Variants in SFSWAP observed in about 807,000 individuals in gnomAD.
SFSWAP encodes splicing factor, suppressor of white-apricot homolog.
In SFSWAP, 17 loss-of-function variants were observed where a neutral mutation model predicts 100.7. That is an observed-to-expected ratio of 0.17 (90% CI 0.12 to 0.25). SFSWAP has a LOEUF of 0.25. Among genes scored for constraint, SFSWAP ranks in the 10% least tolerant of loss-of-function variants. The probability of loss-of-function intolerance (pLI) is 1.00; values close to 1 mark genes in which losing one functional copy is unlikely to be tolerated. For synonymous variants in SFSWAP, 504 were observed against 510.1 expected (o/e 0.99, Z 0.16); for missense variants, 1,005 against 1,262.6 (o/e 0.80, Z 3.09).
intron 13 of SFSWAP, among the ~76,000 whole-genome samples, chr12:131,773,085 C>A (rs1883744154): frequency 6.6e-6 from 1 of 152,138 alleles, no homozygotes; most frequent in Admixed American, 6.5e-5. Context: ...GGGGGCAGAG[C>A]AGGCCAAAAG....
chr12:131,743,388 G>A (rs531766110), intron 7 of SFSWAP, among the ~76,000 whole-genome samples: 4 of 152,166 alleles, frequency 2.6e-5, no homozygotes, highest in East Asian at 1.9e-4. Flanking sequence ...AAATACAACC[G>A]TCCATATGAG....
At chr12:131,728,696 TTC>T (rs1171065633) in intron 7 of SFSWAP, among the ~76,000 whole-genome samples, 1 of 150,960 alleles carries the variant, frequency 6.6e-6, no homozygotes, top group African/African-American at 2.4e-5. Context: ...GCCTCTGCCC[TTC>T]TTTCTTTTTT....
At chr12:131,757,259 C>T (rs1025763338) in intron 11 of SFSWAP, 3 of 152,538 alleles carry the variant, frequency 2.0e-5, no homozygotes, top group Non-Finnish European at 2.9e-5. Context: ...GCGAGAGGAA[C>T]GGGAAGCTCT....
intron 14 of SFSWAP, among the ~76,000 whole-genome samples, chr12:131,782,471 A>G (rs1884572365): frequency 6.6e-6 from 1 of 152,208 alleles, no homozygotes; most frequent in South Asian, 2.1e-4. Context: ...ATAAACTGTT[A>G]CAAACGCAGC....
At chr12:131,769,119 T>A in intron 13 of SFSWAP, among the ~76,000 whole-genome samples, 1 of 78,048 alleles carries the variant, frequency 1.3e-5, no homozygotes. Flanking sequence ...AGAGCGAGAC[T>A]CCTTCTCAAA....
Position 131,730,655 on chromosome 12 carries a change from G to T in SFSWAP, c.1081+2227G>T, listed in dbSNP as rs1879411952. On this transcript the variant is annotated intron_variant, in intron 7 of 17. Transcript: ENST00000261674. This position sits in a 1 kb window ranked among gnomAD's most constrained non-coding sequence, Gnocchi z 4.0. Reference sequence around the variant, plus strand: ...GGGCGGCCAGAGCCCACACACTTTGGTTTCTTCCCACCTGCTGATGGCTCC... The same window carrying T: ...GGGCGGCCAGAGCCCACACACTTTGTTTTCTTCCCACCTGCTGATGGCTCC... Among the ~76,000 whole-genome samples the T allele has an allele frequency of 6.6e-6, 1 of 152,124 alleles. No individual in the cohort carries two copies. The highest frequency in any genetic ancestry group is 1.5e-5 in the Non-Finnish European group (1 of 68,024).
intron 9 of SFSWAP, among the ~76,000 whole-genome samples, chr12:131,755,024 C>G (rs1334898653): frequency 6.6e-6 from 1 of 151,894 alleles, no homozygotes; most frequent in South Asian, 2.1e-4. Flanking sequence ...TTTTTTGTTT[C>G]ATTTTTTAAG....
chr12:131,720,786 T>C (rs1233906147), intron 4 of SFSWAP, among the ~76,000 whole-genome samples: 1 of 152,218 alleles, frequency 6.6e-6, no homozygotes, highest in African/African-American at 2.4e-5. Flanking sequence ...TCTCTTCCCT[T>C]ATTCATTTAC....
intron 13 of SFSWAP, among the ~76,000 whole-genome samples, chr12:131,774,567 G>A (rs145519054): frequency 1.8e-4 from 28 of 152,210 alleles, no homozygotes; most frequent in East Asian, 9.7e-4. Context: ...CATGACTTCC[G>A]TTTTGATCAT....
intron 3 of SFSWAP, among the ~76,000 whole-genome samples, 161 bp downstream of exon 3, chr12:131,715,114 G>A (rs1259194292): frequency 6.6e-6 from 1 of 152,314 alleles, no homozygotes; most frequent in South Asian, 2.1e-4. Context: ...TTGGTAAAAC[G>A]AAGTTAAAAA....
chr12:131,744,717 A>G (rs1771610699), intron 7 of SFSWAP, among the ~76,000 whole-genome samples: 1 of 152,196 alleles, frequency 6.6e-6, no homozygotes, highest in Non-Finnish European at 1.5e-5. Flanking sequence ...TCTGGTACCA[A>G]ATTACTGGAT....
At chr12:131,751,501 ACT>A (rs1458721704) in intron 7 of SFSWAP, among the ~76,000 whole-genome samples, 1 of 151,934 alleles carries the variant, frequency 6.6e-6, no homozygotes, top group Non-Finnish European at 1.5e-5. Flanking sequence ...ACTGGGCTGC[ACT>A]CTCTCCCCTG....
chr12:131,731,834 G>A (rs1235524974), intron 7 of SFSWAP, among the ~76,000 whole-genome samples: 2 of 146,988 alleles, frequency 1.4e-5, no homozygotes, highest in Non-Finnish European at 3.0e-5. Flanking sequence ...TTGGCATTTG[G>A]TTGATTTTTT....
chr12:131,720,742 T>C (rs1878397443), intron 4 of SFSWAP, among the ~76,000 whole-genome samples: 1 of 152,208 alleles, frequency 6.6e-6, no homozygotes, highest in Admixed American at 6.5e-5. Flanking sequence ...AATATAAAAA[T>C]AGCCCTTTTA....
chr12:131,764,824 C>A, intron 12 of SFSWAP, 138 bp downstream of exon 12: 1 of 650,804 alleles, frequency 1.5e-6, no homozygotes, highest in Non-Finnish European at 2.7e-6. Flanking sequence ...AGTTGTGTAA[C>A]ATGTCTGAGG....
intron 7 of SFSWAP, among the ~76,000 whole-genome samples, chr12:131,740,966 CTTTT>C (rs60047663): frequency 5.7e-5 from 4 of 70,134 alleles, no homozygotes; most frequent in Admixed American, 2.3e-4. Context: ...TCTTTTTTTT[CTTTT>C]TTTTTTTTTT....
intron 15 of SFSWAP, among the ~76,000 whole-genome samples, chr12:131,791,969 C>T (rs1566061410): frequency 6.6e-6 from 1 of 151,868 alleles, no homozygotes; most frequent in Non-Finnish European, 1.5e-5. Flanking sequence ...TGTGTGTTCA[C>T]TGGTCATTAC....
intron 14 of SFSWAP, among the ~76,000 whole-genome samples, chr12:131,779,768 T>C (rs1442102895): frequency 1.3e-5 from 2 of 152,054 alleles, no homozygotes; most frequent in Admixed American, 6.5e-5. Context: ...CTTGCTTTCT[T>C]TACTTATTTA....
intron 7 of SFSWAP, among the ~76,000 whole-genome samples, chr12:131,748,973 C>T (rs565268888): frequency 6.6e-6 from 1 of 152,348 alleles, no homozygotes; most frequent in African/African-American, 2.4e-5. Context: ...CAGCAACAAA[C>T]CTAACAAGAT....
Sources: allele counts gnomAD v4.1 joint callset (sites outside exome capture counted in the v4.1 genomes callset), GRCh38; gene constraint gnomAD v4.1.1; non-coding constraint Gnocchi (gnomAD v3.1); transcripts MANE v1.5; gene names NCBI Gene and HGNC (gene_info 2026-07-23, HGNC 2026-07-21).